LRP2BP: variants seen among roughly 807,000 people sequenced by gnomAD.
LRP2BP encodes LRP2-binding protein.
Under a neutral mutation model 45.2 loss-of-function variants are expected in LRP2BP, and 38 were observed. That is an observed-to-expected ratio of 0.84 (90% CI 0.65 to 1.10). The LOEUF (loss-of-function observed/expected upper bound fraction) is 1.10. Among genes scored for constraint, LRP2BP ranks in the 50% least tolerant of loss-of-function variants. The pLI, the probability that LRP2BP is intolerant of heterozygous loss-of-function variation, is 0.00. For synonymous variants in LRP2BP, 153 were observed against 153.9 expected (o/e 0.99, Z 0.04); for missense variants, 385 against 418.9 (o/e 0.92, Z 0.71).
intron 1 of LRP2BP, among the ~76,000 whole-genome samples, chr4:185,390,316 G>C (rs1194195700): frequency 6.6e-6 from 1 of 152,082 alleles, no homozygotes; most frequent in African/African-American, 2.4e-5. Context: ...TTCAAGACCA[G>C]CCTGACCAAC....
chr4:185,376,439 G>C (rs1475155864), intron 3 of LRP2BP, among the ~76,000 whole-genome samples: 2 of 138,228 alleles, frequency 1.4e-5, no homozygotes, highest in African/African-American at 2.8e-5. Context: ...ACCATGCCCA[G>C]CTACTTTTTT....
chr4:185,382,281 G>T (rs1267999528), intron 1 of LRP2BP, among the ~76,000 whole-genome samples: 3 of 152,162 alleles, frequency 2.0e-5, no homozygotes, highest in African/African-American at 7.2e-5. Context: ...TAAGCACTTG[G>T]ATTGTTTCCA....
chr4:185,367,951 G>A (rs979380013), intron 8 of LRP2BP, among the ~76,000 whole-genome samples: 1 of 152,114 alleles, frequency 6.6e-6, no homozygotes, highest in Non-Finnish European at 1.5e-5. Flanking sequence ...AGGCCGAGGT[G>A]GATGGATCAC....
intron 1 of LRP2BP, among the ~76,000 whole-genome samples, chr4:185,381,092 C>T (rs574095883): frequency 2.0e-5 from 3 of 152,298 alleles, no homozygotes; most frequent in African/African-American, 7.2e-5. Context: ...GTTGTATTCC[C>T]TTCTAGTCAC....
Position 185,395,695 on chromosome 4 carries a change from A to C in LRP2BP, c.-938T>G. ...ATAACAACATAAACTTGCGATTGCA[A>C]ATTTTATGGCTCTTACTACAAAACA... is the stretch of plus-strand genomic sequence containing the variant. On this transcript the variant is annotated 5_prime_UTR_variant, in exon 1 of 9. The change creates a new upstream start codon in the 5' untranslated region. Coordinates refer to ENST00000505916, the MANE Select transcript of LRP2BP (RefSeq NM_001377440.1). 1.0e-6 allele frequency: 1 copy of C among 985,416 alleles called. No homozygotes were observed. The highest frequency in any genetic ancestry group is 4.7e-5 in the South Asian group (1 of 21,292). 61.0% of individuals were successfully genotyped at this position (985,416 alleles called of 1,614,324 possible). A position where few individuals can be genotyped will look rare whatever the true frequency, so the allele number is the denominator to read the frequency against.
At chr4:185,376,178 C>T (rs552906587) in intron 3 of LRP2BP, among the ~76,000 whole-genome samples, 1 of 152,144 alleles carries the variant, frequency 6.6e-6, no homozygotes, top group Non-Finnish European at 1.5e-5. Context: ...AGAAAGAGGG[C>T]GATTTCCTCC....
chr4:185,391,229 CCTT>C (rs149295000), intron 1 of LRP2BP, among the ~76,000 whole-genome samples: 1,961 of 152,260 alleles, frequency 0.013, 48 homozygotes, highest in African/African-American at 0.045. Flanking sequence ...GGTGAAGTGG[CCTT>C]CTCATCACAT....
At chr4:185,368,071 G>A (rs565415866) in intron 8 of LRP2BP, among the ~76,000 whole-genome samples, 6 of 152,238 alleles carry the variant, frequency 3.9e-5, no homozygotes, top group Non-Finnish European at 5.9e-5. Flanking sequence ...CCAGCTACTC[G>A]GGAGGCTGAG....
chr4:185,393,767 C>G (rs1253444560), intron 1 of LRP2BP, among the ~76,000 whole-genome samples: 1 of 151,994 alleles, frequency 6.6e-6, no homozygotes, highest in Non-Finnish European at 1.5e-5. Context: ...CTCAGGCGAT[C>G]GGCCTGCCTC....
rs962633674 is a variant in LRP2BP at position 185,364,306 on chromosome 4, A to G, written c.*2874T>C. The G allele has an allele frequency of 2.6e-5, 4 of 152,142 alleles. No individual in the cohort carries two copies. Among genetic ancestry groups the G allele is most frequent in the South Asian group, 2.1e-4 (1 of 4,820 alleles). The allele number at this position is 152,142 out of a possible 1,614,324, so 9.4% of individuals were successfully genotyped here. A position where few individuals can be genotyped will look rare whatever the true frequency, so the allele number is the denominator to read the frequency against. On this transcript the variant is annotated 3_prime_UTR_variant, in exon 9 of 9. Transcript: ENST00000505916. ...GTTGTATTATCAAGCCGTTTAGACC[A>G]CAGGGACATTAGGGGAGATCCAGAG...
chr4:185,377,399 T>TG (rs1251750096), intron 2 of LRP2BP: 1 of 172,342 alleles, frequency 5.8e-6, no homozygotes, highest in African/African-American at 2.4e-5. Context: ...ATGCCTATAA[T>TG]CCCAGCTACT....
chr4:185,395,665 TA>T lies in LRP2BP; in HGVS notation c.-909del. ...TGCTTAAAACTACCCCTTGGGTAACTAAGTATAACAACATAAACTTGCGATT... is the reference window on the plus strand; with the variant it reads ...TGCTTAAAACTACCCCTTGGGTAACTAGTATAACAACATAAACTTGCGATT... On this transcript the variant is annotated 5_prime_UTR_variant, in exon 1 of 9. It introduces an in-frame stop codon into an upstream open reading frame of the 5' UTR. Transcript: ENST00000505916. 1.0e-6 allele frequency: 1 copy of T among 984,776 alleles called. No individual in the cohort carries two copies. Among genetic ancestry groups the T allele is most frequent in the Non-Finnish European group, 1.2e-6 (1 of 829,310 alleles). 61.0% of individuals were successfully genotyped at this position (984,776 alleles called of 1,614,324 possible).
At chr4:185,379,319 C>G (rs917744096) in intron 1 of LRP2BP, among the ~76,000 whole-genome samples, 2 of 152,168 alleles carry the variant, frequency 1.3e-5, no homozygotes, top group Non-Finnish European at 2.9e-5. Context: ...AAAACAATCC[C>G]TATCGGATGG....
chr4:185,395,949 C>T (rs970624979), upstream of LRP2BP: 3 of 967,336 alleles, frequency 3.1e-6, no homozygotes, highest in Non-Finnish European at 3.7e-6. Context: ...ACGTCAGTAG[C>T]TGCCATCGGA....
chr4:185,365,256 C>T lies in LRP2BP; in HGVS notation c.*1924G>A, dbSNP rs2095382739. The T allele has an allele frequency of 6.6e-6, 1 of 152,132 alleles. No individual in the cohort carries two copies. Among genetic ancestry groups the T allele is most frequent in the Admixed American group, 6.5e-5 (1 of 15,274 alleles). The allele number at this position is 152,132 out of a possible 1,614,324, so 9.4% of individuals were successfully genotyped here. Reference sequence around the variant, plus strand: ...GCATAGCATGTTACCATGTATGGCACACGTCAAAGTTTATGATTTCTGAAA... The same window carrying T: ...GCATAGCATGTTACCATGTATGGCATACGTCAAAGTTTATGATTTCTGAAA... On this transcript the variant is annotated 3_prime_UTR_variant, in exon 9 of 9. Transcript: ENST00000505916.
chr4:185,397,204 G>C, upstream of LRP2BP: 1 of 1,614,038 alleles, frequency 6.2e-7, no homozygotes, highest in Non-Finnish European at 8.5e-7. Flanking sequence ...CGCACCCCCG[G>C]ATCCCTGCAA....
At chr4:185,369,325 C>T (rs189133150) in intron 8 of LRP2BP, among the ~76,000 whole-genome samples, 118 of 143,964 alleles carry the variant, frequency 8.2e-4, no homozygotes, top group African/African-American at 2.9e-3. Context: ...TGAAGCAATT[C>T]TCCTGCCTCA....
chr4:185,395,550 G>T lies in LRP2BP; in HGVS notation c.-793C>A. The T allele has an allele frequency of 2.0e-6, 2 of 982,862 alleles. No homozygotes were observed. The highest frequency in any genetic ancestry group is 2.4e-6 in the Non-Finnish European group (2 of 827,932). 60.9% of individuals were successfully genotyped at this position (982,862 alleles called of 1,614,324 possible). ...TTTAAACATCATTAAAAGATATTGTGAATAGTTTAAATATTAAAAATGTGG... is the reference window on the plus strand; with the variant it reads ...TTTAAACATCATTAAAAGATATTGTTAATAGTTTAAATATTAAAAATGTGG... On this transcript the variant is annotated 5_prime_UTR_variant, in exon 1 of 9. Transcript: ENST00000505916.
chr4:185,377,898 G>T, intron 2 of LRP2BP, 183 bp downstream of exon 2: 1 of 557,960 alleles, frequency 1.8e-6, no homozygotes, highest in Non-Finnish European at 3.1e-6. Context: ...AGACCTCACT[G>T]ACGATTTGCT....
Sources: gnomAD v4.1 joint callset for allele counts (sites outside exome capture counted in the v4.1 genomes callset) on GRCh38, gnomAD v4.1.1 for gene constraint, MANE v1.5 for transcripts, NCBI Gene and HGNC (gene_info 2026-07-23, HGNC 2026-07-21) for gene names.